WWC2: variants seen among roughly 807,000 people sequenced by gnomAD.
The protein encoded by WWC2 is WW and C2 domain containing 2.
Under a neutral mutation model 138.5 loss-of-function variants are expected in WWC2, and 101 were observed. The observed-to-expected ratio is 0.73, with a 90% CI of 0.62 to 0.86. The LOEUF (loss-of-function observed/expected upper bound fraction) is 0.86, where lower values mean the gene tolerates loss of function less well. Among genes scored for constraint, WWC2 ranks in the 40% least tolerant of loss-of-function variants. WWC2 has a pLI of 0.00. For missense variants in WWC2, 1,420 were observed against 1,419.4 expected (o/e 1.00, Z -0.01); for synonymous variants, 558 against 538.4 (o/e 1.04, Z -0.50).
intron 21 of WWC2, among the ~76,000 whole-genome samples, chr4:183,299,904 A>T (rs892488330): frequency 6.6e-5 from 10 of 152,160 alleles, no homozygotes; most frequent in Non-Finnish European, 1.3e-4. Context: ...CAGATCCTGG[A>T]TCTGCCTCCC....
At chr4:183,116,256 AGAT>A (rs1391974983) in intron 1 of WWC2, among the ~76,000 whole-genome samples, 1 of 152,160 alleles carries the variant, frequency 6.6e-6, no homozygotes, top group Admixed American at 6.5e-5. Flanking sequence ...ACTGTGCTAA[AGAT>A]GATGATGATG....
At chr4:183,140,315 A>G (rs146928057) in intron 1 of WWC2, among the ~76,000 whole-genome samples, 19 of 152,330 alleles carry the variant, frequency 1.2e-4, no homozygotes, top group Middle Eastern at 3.4e-3. Context: ...GGTCCAACGT[A>G]TATCTGAATC....
intron 1 of WWC2, among the ~76,000 whole-genome samples, chr4:183,136,971 TGTAGGCA>T (rs71589531): frequency 0.14 from 21,464 of 152,108 alleles, 1,678 homozygotes; most frequent in East Asian, 0.22. Flanking sequence ...TACTGAATAC[TGTAGGCA>T]GTTGTAACAC....
Position 183,320,446 on chromosome 4 carries a change from G to A in WWC2, c.*4717G>A. The stretch of plus-strand genomic sequence containing the variant: ...GTAATGCCAAGGTGTGGCCAAGATT[G>A]TGTTTGTGTCCTGTGGGCTGGATTT... On this transcript the variant is annotated 3_prime_UTR_variant, in exon 23 of 23. Coordinates refer to ENST00000403733, the MANE Select transcript of WWC2 (RefSeq NM_024949.6). The A allele has an allele frequency of 1.8e-6, 1 of 570,898 alleles. No individual in the cohort carries two copies. Among genetic ancestry groups the A allele is most frequent in the East Asian group, 2.9e-5 (1 of 34,292 alleles). The allele number at this position is 570,898 out of a possible 1,614,324, so 35.4% of individuals were successfully genotyped here. A position where few individuals can be genotyped will look rare whatever the true frequency, so the allele number is the denominator to read the frequency against.
intron 21 of WWC2, among the ~76,000 whole-genome samples, chr4:183,303,060 CAAAA>C (rs35439586): frequency 2.4e-5 from 2 of 82,554 alleles, no homozygotes. Flanking sequence ...GACTCCATCT[CAAAA>C]AAAAAAAAAA....
intron 5 of WWC2, among the ~76,000 whole-genome samples, chr4:183,243,446 G>T (rs1396572654): frequency 1.3e-5 from 2 of 152,124 alleles, no homozygotes; most frequent in African/African-American, 2.4e-5. Context: ...CATTTCCTCA[G>T]CCAAGTTGGT....
intron 1 of WWC2, among the ~76,000 whole-genome samples, chr4:183,159,692 A>T (rs1323520307): frequency 1.3e-5 from 2 of 148,694 alleles, no homozygotes; most frequent in African/African-American, 2.5e-5. Context: ...GGCATAAGCC[A>T]CTGTACCTGC....
intron 1 of WWC2, among the ~76,000 whole-genome samples, chr4:183,168,178 C>CTTTCTT (rs1554068905): frequency 1.5e-4 from 21 of 138,786 alleles, no homozygotes; most frequent in African/African-American, 3.7e-4. Flanking sequence ...TCTTTTCTTT[C>CTTTCTT]TTTTTTTTTT....
At chr4:183,305,983 G>A (rs1739013422) in intron 21 of WWC2, among the ~76,000 whole-genome samples, 1 of 152,178 alleles carries the variant, frequency 6.6e-6, no homozygotes, top group Non-Finnish European at 1.5e-5. Context: ...TGATGCAAGG[G>A]ACAAGAGGGA....
chr4:183,148,297 A>G (rs1733523727), intron 1 of WWC2, among the ~76,000 whole-genome samples: 2 of 152,258 alleles, frequency 1.3e-5, no homozygotes, highest in Non-Finnish European at 2.9e-5. Context: ...ATTGCTGATG[A>G]ATAGTGAATT....
At position 183,319,031 on chromosome 4, in the gene WWC2, AAGGTTCCAT is replaced by A. The variant is rs1017084771; in HGVS notation, c.*3305_*3313del. ...GACTGAATGTGGCTGCCTTTTGAAAAAGGTTCCATAGAGACACTGAGGTCTCTGATTCAG... is the reference window on the plus strand; with the variant it reads ...GACTGAATGTGGCTGCCTTTTGAAAAAGAGACACTGAGGTCTCTGATTCAG... On this transcript the variant is annotated 3_prime_UTR_variant, in exon 23 of 23. Coordinates refer to ENST00000403733, the MANE Select transcript of WWC2 (RefSeq NM_024949.6). 8 of 152,916 alleles carry A rather than the reference AAGGTTCCAT, an allele frequency of 5.2e-5. No individual in the cohort carries two copies. The highest frequency in any genetic ancestry group is 1.3e-4 in the Admixed American group (2 of 15,374). 9.5% of individuals were successfully genotyped at this position (152,916 alleles called of 1,614,324 possible). A position where few individuals can be genotyped will look rare whatever the true frequency, so the allele number is the denominator to read the frequency against.
chr4:183,309,287 A>G (rs1739133546), intron 21 of WWC2, among the ~76,000 whole-genome samples: 1 of 152,220 alleles, frequency 6.6e-6, no homozygotes, highest in African/African-American at 2.4e-5. Flanking sequence ...CACTGTCAAG[A>G]AAAAGAGGAA....
intron 1 of WWC2, among the ~76,000 whole-genome samples, chr4:183,175,463 A>T (rs1406703235): frequency 6.6e-6 from 1 of 151,976 alleles, no homozygotes; most frequent in African/African-American, 2.4e-5. Context: ...GGGTTTTATC[A>T]TGTTGTCCAG....
chr4:183,261,242 C>A lies in WWC2; in HGVS notation c.1619C>A (p.Pro540Gln), dbSNP rs759174673. 115 of 1,612,684 alleles carry A rather than the reference C, an allele frequency of 7.1e-5. No individual in the cohort carries two copies. The highest frequency in any genetic ancestry group is 9.4e-5 in the Non-Finnish European group (111 of 1,179,448). ...CACACTCCTCCACTGGCTGAGGCCC[C>A]GAAGTCTGTGGCCTCCCTGTCCTCG... ...TGHTPPLAEA[P>Q]KSVASLSSRS... Residue 540 changes from proline to glutamine, a missense_variant, in exon 11 of 23, where the codon CCG becomes CAG. Physicochemically the swap from Pro to Gln is moderately conservative, Grantham distance 76. Coordinates refer to ENST00000403733, the MANE Select transcript of WWC2 (RefSeq NM_024949.6).
chr4:183,218,356 A>C (rs758772795), intron 4 of WWC2, among the ~76,000 whole-genome samples: 16 of 152,066 alleles, frequency 1.1e-4, no homozygotes, highest in African/African-American at 2.2e-4. Flanking sequence ...TAAAAAAAAA[A>C]AACAACTGAC....
chr4:183,243,467 C>T (rs1470258000), intron 5 of WWC2, among the ~76,000 whole-genome samples: 1 of 152,102 alleles, frequency 6.6e-6, no homozygotes, highest in Non-Finnish European at 1.5e-5. Context: ...GGATATAATA[C>T]TTCAGGGAGT....
At chr4:183,135,357 C>G (rs887860592) in intron 1 of WWC2, among the ~76,000 whole-genome samples, 4 of 152,018 alleles carry the variant, frequency 2.6e-5, no homozygotes, top group Admixed American at 6.6e-5. Flanking sequence ...ATTAGTTTTT[C>G]TCTCTACTAG....
chr4:183,294,354 A>G (rs1738561755), intron 21 of WWC2, among the ~76,000 whole-genome samples: 1 of 152,226 alleles, frequency 6.6e-6, no homozygotes, highest in African/African-American at 2.4e-5. Context: ...TACTTTGGAA[A>G]AGAATAACAA....
chr4:183,258,207 T>C (rs1410011079), intron 9 of WWC2, among the ~76,000 whole-genome samples: 1 of 152,228 alleles, frequency 6.6e-6, no homozygotes, highest in Admixed American at 6.5e-5. Context: ...CTTCAGACCT[T>C]TGTGCACTTT....
Sources: allele counts gnomAD v4.1 joint callset (sites outside exome capture counted in the v4.1 genomes callset), GRCh38; gene constraint gnomAD v4.1.1; transcripts MANE v1.5; gene names NCBI Gene and HGNC (gene_info 2026-07-23, HGNC 2026-07-21).